The following SOX5 variants were observed in gnomAD, a reference collection of about 807,000 sequenced individuals.
The protein encoded by SOX5 is transcription factor SOX-5.
SOX5 carries 9 observed loss-of-function variants against 92.0 expected under a neutral mutation model. The observed-to-expected ratio is 0.10, with a 90% CI of 0.06 to 0.17. SOX5 has a LOEUF of 0.17. Among genes scored for constraint, SOX5 ranks in the 10% least tolerant of loss-of-function variants. SOX5 has a pLI of 1.00. For missense variants in SOX5, 642 were observed against 944.5 expected (o/e 0.68, Z 4.20); for synonymous variants, 344 against 336.3 (o/e 1.02, Z -0.25).
chr12:23,699,185 C>T (rs892357091), intron 6 of SOX5, among the ~76,000 whole-genome samples: 2 of 152,162 alleles, frequency 1.3e-5, no homozygotes, highest in African/African-American at 4.8e-5. Flanking sequence ...ATTTACCTGC[C>T]TTGGCATCCC....
intron 13 of SOX5, among the ~76,000 whole-genome samples, chr12:23,538,767 A>C (rs1365812677): frequency 6.7e-6 from 1 of 148,460 alleles, no homozygotes; most frequent in Non-Finnish European, 1.5e-5. Flanking sequence ...AGCTAGCTTT[A>C]TCCCAAAATT....
intron 8 of SOX5, among the ~76,000 whole-genome samples, chr12:23,637,299 T>C (rs900798027): frequency 2.0e-5 from 3 of 152,146 alleles, no homozygotes; most frequent in African/African-American, 7.2e-5. Context: ...AGTTTATCAC[T>C]ACCTACTTAA....
At chr12:23,827,391 C>A (rs2096250224) in intron 3 of SOX5, among the ~76,000 whole-genome samples, 2 of 152,096 alleles carry the variant, frequency 1.3e-5, no homozygotes, top group African/African-American at 4.8e-5. Context: ...TCTACAGAGA[C>A]AAACAAAAGG....
At chr12:24,520,327 A>G (rs1950157242) in intron 1 of SOX5, among the ~76,000 whole-genome samples, 1 of 152,088 alleles carries the variant, frequency 6.6e-6, no homozygotes, top group Non-Finnish European at 1.5e-5. Flanking sequence ...ATAATATAAA[A>G]TTCGATAAAA....
intron 4 of SOX5, among the ~76,000 whole-genome samples, chr12:24,138,966 A>G (rs1391979636): frequency 1.3e-5 from 2 of 152,212 alleles, no homozygotes; most frequent in African/African-American, 2.4e-5. Flanking sequence ...AGAAGCTATT[A>G]GAAACTCTCA....
chr12:24,409,409 C>T (rs1963643849), intron 1 of SOX5, among the ~76,000 whole-genome samples: 1 of 152,056 alleles, frequency 6.6e-6, no homozygotes, highest in African/African-American at 2.4e-5. Context: ...CACACATATA[C>T]CTATGTAACA....
intron 8 of SOX5, among the ~76,000 whole-genome samples, chr12:23,609,110 T>C (rs2075643741): frequency 6.6e-6 from 1 of 152,002 alleles, no homozygotes. Flanking sequence ...GGCAGTACAA[T>C]TAAAAGAAAG....
At chr12:24,283,683 C>T (rs778532784) in intron 2 of SOX5, among the ~76,000 whole-genome samples, 1 of 152,162 alleles carries the variant, frequency 6.6e-6, no homozygotes, top group Non-Finnish European at 1.5e-5. Flanking sequence ...ATTCAAATAA[C>T]TACGTAGCTA....
chr12:23,920,519 A>G (rs1937878667), intron 1 of SOX5: 1 of 152,226 alleles, frequency 6.6e-6, no homozygotes, highest in Non-Finnish European at 1.5e-5. Context: ...ATTTAGGTCC[A>G]AGTTGAGTAT....
rs535660129 is a variant in SOX5, at chr12:24,345,575, AGATT to A, written c.-174+22984_-174+22987del. 3.2e-3 allele frequency among the ~76,000 whole-genome samples: 485 copies of A among 152,252 alleles called. 1 individual carries two copies. The highest frequency in any genetic ancestry group is 0.011 in the African/African-American group (474 of 41,478). ...TTTGACCATTACCTGTTTATTGATTAGATTAATTATTATCAGAGGTAGTTTTAAT... is the reference window on the plus strand; with the variant it reads ...TTTGACCATTACCTGTTTATTGATTAAATTATTATCAGAGGTAGTTTTAAT... On this transcript the variant is annotated intron_variant, in intron 2 of 4. Coordinates refer to the SOX5 transcript ENST00000446891.
intron 2 of SOX5, among the ~76,000 whole-genome samples, chr12:24,358,004 C>T (rs1310710419): frequency 6.6e-6 from 1 of 152,112 alleles, no homozygotes; most frequent in Non-Finnish European, 1.5e-5. Context: ...AAAATCCATG[C>T]CTTGTCTACT....
At chr12:23,632,998 G>C (rs557204789) in intron 8 of SOX5, among the ~76,000 whole-genome samples, 2 of 152,200 alleles carry the variant, frequency 1.3e-5, no homozygotes, top group South Asian at 4.1e-4. Flanking sequence ...TAAAAATGAT[G>C]ATTGGATGCT....
At chr12:23,553,091 G>T (rs576453879) in intron 11 of SOX5, among the ~76,000 whole-genome samples, 1 of 151,918 alleles carries the variant, frequency 6.6e-6, no homozygotes, top group South Asian at 2.1e-4. Flanking sequence ...ATTCATAAAA[G>T]ATAATTTTCT....
At chr12:23,946,661 A>G (rs941642572) in intron 1 of SOX5, among the ~76,000 whole-genome samples, 1 of 151,950 alleles carries the variant, frequency 6.6e-6, no homozygotes, top group Non-Finnish European at 1.5e-5. Context: ...TCGGGCGTTC[A>G]TTCTAATGAT....
chr12:24,322,768 A>G (rs538371504), intron 2 of SOX5, among the ~76,000 whole-genome samples: 1 of 152,300 alleles, frequency 6.6e-6, no homozygotes, highest in African/African-American at 2.4e-5. Context: ...TAGCTTGAGG[A>G]AGAAATCAAA....
intron 2 of SOX5, among the ~76,000 whole-genome samples, chr12:23,852,973 T>C (rs1468819030): frequency 6.6e-6 from 1 of 151,734 alleles, no homozygotes; most frequent in African/African-American, 2.4e-5. Context: ...GGGGGAATGA[T>C]TAAAAGCTGC....
chr12:24,346,504 T>C (rs1565952338), intron 2 of SOX5, among the ~76,000 whole-genome samples: 1 of 150,248 alleles, frequency 6.7e-6, no homozygotes, highest in South Asian at 2.1e-4. Context: ...TAGGCTGGAG[T>C]GCAGTGGCGT....
intron 8 of SOX5, among the ~76,000 whole-genome samples, chr12:23,628,492 A>T (rs1281088850): frequency 1.3e-5 from 2 of 152,104 alleles, no homozygotes; most frequent in African/African-American, 4.8e-5. Context: ...AGAAAGCAAG[A>T]CATAATATTG....
intron 4 of SOX5, among the ~76,000 whole-genome samples, chr12:24,018,022 A>G (rs769133923): frequency 1.3e-5 from 2 of 152,074 alleles, no homozygotes; most frequent in Non-Finnish European, 2.9e-5. Context: ...AAACCTTCTT[A>G]TATCTTCTAC....
Sources: gnomAD v4.1 joint callset for allele counts (sites outside exome capture counted in the v4.1 genomes callset) on GRCh38, gnomAD v4.1.1 for gene constraint, MANE v1.5 for transcripts, NCBI Gene and HGNC (gene_info 2026-07-23, HGNC 2026-07-21) for gene names.